CACNB4: variants seen among roughly 807,000 people sequenced by gnomAD.
CACNB4 encodes the protein calcium voltage-gated channel auxiliary subunit beta 4, also known as voltage-dependent L-type calcium channel subunit beta-4.
A neutral mutation model predicts 71.2 loss-of-function variants in CACNB4; 32 were observed. That is an observed-to-expected ratio of 0.45 (90% CI 0.34 to 0.60). The LOEUF is 0.60. CACNB4 is among the 20% of genes least tolerant of loss of function. The pLI is 0.01. For synonymous variants in CACNB4, 231 were observed against 236.9 expected, an observed-to-expected ratio of 0.97 and a Z score of 0.23; for missense variants, 464 against 647.9, an observed-to-expected ratio of 0.72 and a Z score of 3.08.
intron 2 of CACNB4, among the ~76,000 whole-genome samples, chr2:152,012,005 A>T (rs1005345746): frequency 6.6e-6 from 1 of 152,166 alleles, no homozygotes; most frequent in Middle Eastern, 3.2e-3. Context: ...TGTACAGTAC[A>T]TCATATTGAC....
intron 2 of CACNB4, among the ~76,000 whole-genome samples, chr2:151,902,354 C>A (rs2099853675): frequency 6.6e-6 from 1 of 152,070 alleles, no homozygotes; most frequent in African/African-American, 2.4e-5. Flanking sequence ...TGATGGAATG[C>A]CTGCATGAGA....
intron 2 of CACNB4, among the ~76,000 whole-genome samples, chr2:152,056,992 C>T (rs1685763108): frequency 6.6e-6 from 1 of 152,154 alleles, no homozygotes; most frequent in South Asian, 2.1e-4. Flanking sequence ...TCCCAGTATT[C>T]CTAGTCATGT....
chr2:151,972,559 CAG>C (rs1560097408), intron 2 of CACNB4: 1 of 152,166 alleles, frequency 6.6e-6, no homozygotes, highest in Non-Finnish European at 1.5e-5. Context: ...TTTGCGGAAA[CAG>C]AGTTAGAGTT....
At chr2:151,947,542 T>TTCAG (rs2099865894) in intron 2 of CACNB4, among the ~76,000 whole-genome samples, 1 of 152,146 alleles carries the variant, frequency 6.6e-6, no homozygotes, top group Non-Finnish European at 1.5e-5. Flanking sequence ...AATAAGTAAC[T>TTCAG]TCAGAAACAG....
chr2:151,893,869 G>A lies in CACNB4; in HGVS notation c.148-10499C>T, dbSNP rs540258112. ...CTTCATATCCAAAGAACTCTAATAA[G>A]TTAATAAGAAAAAGATGAACAACCT... On this transcript the variant is annotated intron_variant, in intron 2 of 13. Transcript: ENST00000539935. 3.3e-5 allele frequency among the ~76,000 whole-genome samples: 5 copies of A among 152,190 alleles called. No individual in the cohort carries two copies. The South Asian group carries it at 8.3e-4, about 25-fold the overall frequency.
chr2:151,944,723 C>T lies in CACNB4; in HGVS notation c.148-61353G>A, dbSNP rs182288503. On this transcript the variant is annotated intron_variant, in intron 2 of 13. Transcript: ENST00000539935. ...AGAAGAATTGCTTGAACCCGGCACA[C>T]GGAGGTTGCAGTGAGCCAAGATCCT... 1.3e-3 allele frequency among the ~76,000 whole-genome samples: 195 copies of T among 152,258 alleles called. 2 individuals are homozygous for T. Among genetic ancestry groups the T allele is most frequent in the African/African-American group, 2.9e-3 (122 of 41,562 alleles).
intron 2 of CACNB4, among the ~76,000 whole-genome samples, chr2:151,892,926 T>C (rs926050233): frequency 6.6e-6 from 1 of 152,170 alleles, no homozygotes; most frequent in Non-Finnish European, 1.5e-5. Flanking sequence ...ATAAAATCAA[T>C]TTTAACTTGA....
chr2:152,003,158 C>T (rs1409931633), intron 2 of CACNB4, among the ~76,000 whole-genome samples: 1 of 152,162 alleles, frequency 6.6e-6, no homozygotes, highest in Non-Finnish European at 1.5e-5. Flanking sequence ...AAAAACATAT[C>T]TCGGCCGGGC....
At chr2:151,983,139 G>T (rs1157654083) in intron 2 of CACNB4, among the ~76,000 whole-genome samples, 3 of 152,194 alleles carry the variant, frequency 2.0e-5, no homozygotes, top group African/African-American at 7.2e-5. Flanking sequence ...CAAAATGTTT[G>T]TGAGCTAAAA....
At chr2:151,850,487 C>T (rs1020173513) in intron 12 of CACNB4, 9 of 152,158 alleles carry the variant, frequency 5.9e-5, no homozygotes, top group African/African-American at 2.2e-4. Context: ...GACCTGTTGC[C>T]ATTCATCATC....
chr2:151,902,503 G>A (rs1396634735), intron 2 of CACNB4, among the ~76,000 whole-genome samples: 1 of 151,994 alleles, frequency 6.6e-6, no homozygotes, highest in Non-Finnish European at 1.5e-5. Context: ...ATGAAAAAGG[G>A]CTCTTCACGA....
At chr2:151,985,261 T>C (rs972659143) in intron 2 of CACNB4, among the ~76,000 whole-genome samples, 45 of 152,324 alleles carry the variant, frequency 3.0e-4, no homozygotes, top group African/African-American at 9.4e-4. Flanking sequence ...TGTAAACTTT[T>C]GCATTCTCTT....
At chr2:152,064,912 A>G (rs1326226550) in intron 2 of CACNB4, among the ~76,000 whole-genome samples, 2 of 152,138 alleles carry the variant, frequency 1.3e-5, no homozygotes, top group African/African-American at 4.8e-5. Context: ...TAGACCCCCA[A>G]TATTAAATCC....
At chr2:152,074,945 C>G (rs1181649738) in intron 2 of CACNB4, among the ~76,000 whole-genome samples, 1 of 152,158 alleles carries the variant, frequency 6.6e-6, no homozygotes, top group Admixed American at 6.5e-5. Context: ...ACCATCATCA[C>G]TCTAGGATGT....
chr2:152,026,805 A>G (rs189266322), intron 2 of CACNB4, among the ~76,000 whole-genome samples: 1 of 152,240 alleles, frequency 6.6e-6, no homozygotes, highest in Admixed American at 6.5e-5. Flanking sequence ...TCCAGACCAA[A>G]ACTGGTCTTA....
intron 2 of CACNB4, among the ~76,000 whole-genome samples, chr2:152,027,505 C>T (rs1232164257): frequency 6.6e-6 from 1 of 152,182 alleles, no homozygotes; most frequent in African/African-American, 2.4e-5. Flanking sequence ...TCCTGACTCA[C>T]ACCAAGGGAA....
chr2:152,099,092 G>A, upstream of CACNB4: 1 of 886,064 alleles, frequency 1.1e-6, no homozygotes, highest in East Asian at 3.2e-5. Context: ...GGACGGAGGG[G>A]GAGGGCGCAG....
intron 2 of CACNB4, among the ~76,000 whole-genome samples, chr2:152,004,801 C>T (rs1341575406): frequency 2.0e-5 from 3 of 152,212 alleles, no homozygotes; most frequent in African/African-American, 7.2e-5. Context: ...CATCAGCATT[C>T]TTCAATAGGA....
chr2:151,894,264 G>T (rs2099851458), intron 2 of CACNB4, among the ~76,000 whole-genome samples: 1 of 152,204 alleles, frequency 6.6e-6, no homozygotes, highest in Non-Finnish European at 1.5e-5. Context: ...TTATCCCAGG[G>T]ATGCAAGGAT....
Sources: allele counts gnomAD v4.1 joint callset (sites outside exome capture counted in the v4.1 genomes callset), GRCh38; gene constraint gnomAD v4.1.1; transcripts MANE v1.5; gene names NCBI Gene and HGNC (gene_info 2026-07-23, HGNC 2026-07-21).